The following RPH3A variants were observed in gnomAD, a reference collection of about 807,000 sequenced individuals.
RPH3A encodes the protein rabphilin 3A, also known as rabphilin-3A.
In RPH3A, 48 loss-of-function variants were observed where a neutral mutation model predicts 102.2. That is an observed-to-expected ratio of 0.47 (90% confidence interval 0.37 to 0.60). The LOEUF (loss-of-function observed/expected upper bound fraction) is 0.60. Among genes scored for constraint, RPH3A ranks in the 20% least tolerant of loss-of-function variants. The probability of loss-of-function intolerance (pLI) is 0.00; values close to 1 mark genes in which losing one functional copy is unlikely to be tolerated. For missense variants in RPH3A, 781 were observed against 910.1 expected (o/e 0.86, Z 1.83); for synonymous variants, 310 against 324.3 (o/e 0.96, Z 0.47).
chr12:112,644,805 G>A (rs577543722), intron 1 of RPH3A, among the ~76,000 whole-genome samples: 21 of 152,222 alleles, frequency 1.4e-4, no homozygotes, highest in African/African-American at 4.1e-4. Context: ...GAAGAAACTC[G>A]CTTTCCAGTA....
At chr12:112,847,141 A>G (rs1180463502) in intron 4 of RPH3A, among the ~76,000 whole-genome samples, 1 of 152,202 alleles carries the variant, frequency 6.6e-6, no homozygotes, top group Non-Finnish European at 1.5e-5. Context: ...GTGGGCACCA[A>G]TAGATGTTAT....
chr12:112,802,536 T>C (rs779142396), intron 2 of RPH3A, among the ~76,000 whole-genome samples: 11 of 152,134 alleles, frequency 7.2e-5, no homozygotes, highest in Non-Finnish European at 1.6e-4. Context: ...CCTGCTGTGC[T>C]GTGTGTGTAT....
chr12:112,640,081 G>A (rs148923099), intron 1 of RPH3A, among the ~76,000 whole-genome samples: 240 of 150,990 alleles, frequency 1.6e-3, no homozygotes, highest in Middle Eastern at 0.011. Flanking sequence ...ATCACTTTGG[G>A]AGGCTGAGGC....
rs570315724 is a variant in RPH3A at position 112,883,208 on chromosome 12, C to T, written c.1327-85C>T. On this transcript the variant is annotated intron_variant, in intron 15 of 21. Coordinates refer to ENST00000389385, the MANE Select transcript of RPH3A (RefSeq NM_001143854.2). Reference sequence around the variant, plus strand: ...ACTCCTATGGGGAAAGCCACCCACCCACCCCACGTCAGCCCAAACGATGGG... The same window carrying T: ...ACTCCTATGGGGAAAGCCACCCACCTACCCCACGTCAGCCCAAACGATGGG... 5 of 1,002,926 alleles carry T rather than the reference C, an allele frequency of 5.0e-6. No homozygotes were observed. In the South Asian group the frequency reaches 6.9e-5, roughly 14 times the overall value. 62.1% of individuals were successfully genotyped at this position (1,002,926 alleles called of 1,614,324 possible).
intron 1 of RPH3A, among the ~76,000 whole-genome samples, chr12:112,622,573 T>A (rs1231149341): frequency 6.7e-6 from 1 of 149,722 alleles, no homozygotes; most frequent in Non-Finnish European, 1.5e-5. Context: ...AGACCAAATG[T>A]ACGTCTGATT....
intron 1 of RPH3A, among the ~76,000 whole-genome samples, chr12:112,716,846 C>T (rs1342641985): frequency 1.3e-5 from 2 of 152,196 alleles, no homozygotes; most frequent in Non-Finnish European, 2.9e-5. Context: ...TGGCACTGGA[C>T]ACTCTGGTGA....
At position 112,876,943 on chromosome 12, in the gene RPH3A, G is replaced by A. The variant is rs1465868499; in HGVS notation, c.1171+77G>A. 4 of 1,102,254 alleles carry A rather than the reference G, an allele frequency of 3.6e-6. No homozygotes were observed. In the East Asian group the frequency reaches 1.0e-4, roughly 28 times the overall value. The allele number at this position is 1,102,254 out of a possible 1,614,324, so 68.3% of individuals were successfully genotyped here. A position where few individuals can be genotyped will look rare whatever the true frequency, so the allele number is the denominator to read the frequency against. On this transcript the variant is annotated intron_variant, in intron 13 of 21. Coordinates refer to ENST00000389385, the MANE Select transcript of RPH3A (RefSeq NM_001143854.2). The stretch of plus-strand genomic sequence containing the variant: ...AGCCCAGGAAAACAGGAACGGCTCA[G>A]GAACAGCCCTGTCTATCCCCAGACC...
chr12:112,601,388 G>T (rs1205948910), intron 1 of RPH3A, among the ~76,000 whole-genome samples: 1 of 152,092 alleles, frequency 6.6e-6, no homozygotes, highest in Admixed American at 6.6e-5. Flanking sequence ...ATAATCTTTT[G>T]CACAGTGTGT....
intron 1 of RPH3A, among the ~76,000 whole-genome samples, chr12:112,717,629 T>C (rs2040522913): frequency 6.6e-6 from 1 of 152,196 alleles, no homozygotes; most frequent in Non-Finnish European, 1.5e-5. Context: ...ATTCATTCTC[T>C]GGTGGAGGAA....
At chr12:112,598,407 T>A (rs2039533567) in intron 1 of RPH3A, among the ~76,000 whole-genome samples, 1 of 152,130 alleles carries the variant, frequency 6.6e-6, no homozygotes, top group Non-Finnish European at 1.5e-5. Context: ...GAATAGGAAG[T>A]AATGTGCTTA....
intron 1 of RPH3A, among the ~76,000 whole-genome samples, chr12:112,630,369 G>A (rs2039795612): frequency 6.6e-6 from 1 of 152,214 alleles, no homozygotes; most frequent in Non-Finnish European, 1.5e-5. Context: ...ACTGGAATGA[G>A]AAAAGCAGGA....
At chr12:112,766,465 G>T (rs978827571) in intron 1 of RPH3A, among the ~76,000 whole-genome samples, 2 of 152,056 alleles carry the variant, frequency 1.3e-5, no homozygotes, top group Non-Finnish European at 2.9e-5. Context: ...GAAAATTATT[G>T]ATTAAGGAGT....
At chr12:112,850,399 C>T (rs1029319397) in intron 5 of RPH3A, among the ~76,000 whole-genome samples, 1 of 151,984 alleles carries the variant, frequency 6.6e-6, no homozygotes, top group Admixed American at 6.5e-5. Context: ...CCCTGAGACT[C>T]CTGTTTGGCA....
intron 1 of RPH3A, among the ~76,000 whole-genome samples, chr12:112,723,462 G>A (rs1451170385): frequency 2.0e-5 from 3 of 152,154 alleles, no homozygotes; most frequent in African/African-American, 4.8e-5. Context: ...TGTCTGAAAC[G>A]GTGGGCAACT....
At chr12:112,713,894 A>T (rs2040497201) in intron 1 of RPH3A, among the ~76,000 whole-genome samples, 1 of 152,196 alleles carries the variant, frequency 6.6e-6, no homozygotes, top group Non-Finnish European at 1.5e-5. Flanking sequence ...GAGACCAGGC[A>T]GCTGGCTTCA....
At chr12:112,666,201 CT>C (rs1226039305) in intron 1 of RPH3A, among the ~76,000 whole-genome samples, 2 of 152,226 alleles carry the variant, frequency 1.3e-5, no homozygotes, top group African/African-American at 4.8e-5. Context: ...TATCTTGCTG[CT>C]GTTTCAGACA....
chr12:112,886,572 T>TAACA (rs760919902), intron 16 of RPH3A, among the ~76,000 whole-genome samples: 35 of 152,168 alleles, frequency 2.3e-4, no homozygotes, highest in Non-Finnish European at 4.6e-4. Context: ...GCCAGGTTCC[T>TAACA]AACAGGCCAC....
At chr12:112,894,514 G>T (rs1044092048) in intron 19 of RPH3A, 64 bp from the exon 20 acceptor site, 2 of 1,435,516 alleles carry the variant, frequency 1.4e-6, no homozygotes, top group East Asian at 2.3e-5. Flanking sequence ...GGGGCCTTTG[G>T]GGTCAAGAGG....
chr12:112,754,460 C>A (rs1310205907), intron 1 of RPH3A, among the ~76,000 whole-genome samples: 1 of 151,952 alleles, frequency 6.6e-6, no homozygotes, highest in Non-Finnish European at 1.5e-5. Flanking sequence ...AACCATGAAC[C>A]AATGACAAAA....
Sources: allele counts gnomAD v4.1 joint callset (sites outside exome capture counted in the v4.1 genomes callset), GRCh38; gene constraint gnomAD v4.1.1; transcripts MANE v1.5; gene names NCBI Gene and HGNC (gene_info 2026-07-23, HGNC 2026-07-21).